SEMA3E: variants seen among roughly 807,000 people sequenced by gnomAD.
SEMA3E encodes the protein semaphorin 3E.
SEMA3E carries 49 observed loss-of-function variants against 93.6 expected under a neutral mutation model. The ratio of observed to expected loss-of-function variants is 0.52; its 90% CI spans 0.42 to 0.66. The LOEUF is 0.66. SEMA3E is among the 30% of genes least tolerant of loss of function. SEMA3E has a pLI of 0.00. For synonymous variants in SEMA3E, 363 were observed against 330.7 expected (o/e 1.10, Z -1.06); for missense variants, 906 against 964.8 (o/e 0.94, Z 0.81).
intron 1 of SEMA3E, among the ~76,000 whole-genome samples, chr7:83,518,271 G>C (rs983780643): frequency 6.6e-6 from 1 of 151,642 alleles, no homozygotes; most frequent in African/African-American, 2.4e-5. Flanking sequence ...TGAGGTTGCA[G>C]AACATGAATT....
chr7:83,533,025 A>G (rs1471352717), intron 1 of SEMA3E, among the ~76,000 whole-genome samples: 1 of 151,938 alleles, frequency 6.6e-6, no homozygotes, highest in Non-Finnish European at 1.5e-5. Context: ...CCACCCCACA[A>G]ATCTCTAGGA....
chr7:83,452,641 T>A (rs1208219561), intron 4 of SEMA3E, among the ~76,000 whole-genome samples: 1 of 152,212 alleles, frequency 6.6e-6, no homozygotes, highest in Non-Finnish European at 1.5e-5. Context: ...TTTCTTATAA[T>A]CATTTTCAGA....
intron 1 of SEMA3E, among the ~76,000 whole-genome samples, chr7:83,574,578 A>G (rs1584340718): frequency 1.3e-5 from 2 of 152,288 alleles, no homozygotes; most frequent in Admixed American, 6.5e-5. Flanking sequence ...GGGTTTAGCC[A>G]TGTGATTTTC....
chr7:83,552,256 A>G (rs10275637), intron 1 of SEMA3E, among the ~76,000 whole-genome samples: 2,527 of 152,270 alleles, frequency 0.017, 66 homozygotes, highest in African/African-American at 0.056. Flanking sequence ...TTTCATGGAC[A>G]TTTATCAGTT....
At chr7:83,487,682 C>CGTGTGTGTGTGTGTGTGTGT (rs71074667) in intron 2 of SEMA3E, among the ~76,000 whole-genome samples, 5 of 144,538 alleles carry the variant, frequency 3.5e-5, no homozygotes, top group African/African-American at 1.3e-4. Context: ...GGCAGGAGGT[C>CGTGTGTGTGTGTGTGTGTGT]GTGTGTGTGT....
In SEMA3E at chr7:83,648,499, T is replaced by C. The variant is rs564366588; in HGVS notation, c.44A>G (p.Tyr15Cys). 3 of 1,613,210 alleles carry C rather than the reference T, an allele frequency of 1.9e-6. No individual in the cohort carries two copies. Among genetic ancestry groups the C allele is most frequent in the East Asian group, 2.2e-5 (1 of 44,794 alleles). ...ACCTCCTGTCCAAAGCTCCAGTAAG[T>C]AACCCCACAGGAGCAAGGTGATAAT... ...GHIITLLLWG[Y>C]LLELWTGGHT... The change falls in exon 1 of 17, where the codon TAC becomes TGC. Residue 15 changes from tyrosine (Y) to cysteine (C), a missense_variant. By Grantham distance (194) the Tyr-to-Cys change is radical. Coordinates refer to ENST00000643230, the MANE Select transcript of SEMA3E (RefSeq NM_012431.3).
intron 16 of SEMA3E, among the ~76,000 whole-genome samples, chr7:83,368,730 T>C (rs1029563732): frequency 5.9e-5 from 9 of 152,202 alleles, no homozygotes; most frequent in Non-Finnish European, 1.0e-4. Flanking sequence ...ATATCTTTTG[T>C]CATGTATTTG....
chr7:83,575,623 C>G (rs1241984364), intron 1 of SEMA3E, among the ~76,000 whole-genome samples: 2 of 152,122 alleles, frequency 1.3e-5, no homozygotes, highest in Admixed American at 1.3e-4. Context: ...TCATAATTAT[C>G]TGGAACAGCT....
At chr7:83,408,248 A>G in intron 6 of SEMA3E, 120 bp downstream of exon 6, 5 of 1,151,922 alleles carry the variant, frequency 4.3e-6, no homozygotes, top group Non-Finnish European at 5.0e-6. Flanking sequence ...CTAGTAAAAC[A>G]TTCTGAAATT....
intron 1 of SEMA3E, among the ~76,000 whole-genome samples, chr7:83,525,147 A>G (rs1056659520): frequency 2.0e-5 from 3 of 152,120 alleles, no homozygotes; most frequent in Non-Finnish European, 4.4e-5. Context: ...ACAGAATTCT[A>G]TATTGGAAAA....
rs576106393 is a variant in SEMA3E, at chr7:83,389,588, CATACACACATAT to C, written c.1668-2550_1668-2539del. ...TCCTTTATTTCAGTATACATATATACATACACACATATATACACGTATATATTACATGTATAC... is the reference window on the plus strand; with the variant it reads ...TCCTTTATTTCAGTATACATATATACATACACGTATATATTACATGTATAC... On this transcript the variant is annotated intron_variant, in intron 14 of 16. Transcript: ENST00000643230. 2.7e-3 allele frequency among the ~76,000 whole-genome samples: 405 copies of C among 151,754 alleles called. 2 individuals are homozygous for C. Among genetic ancestry groups the C allele is most frequent in the African/African-American group, 8.0e-3 (331 of 41,436 alleles).
chr7:83,370,331 C>G (rs1794733359), intron 16 of SEMA3E, among the ~76,000 whole-genome samples: 1 of 152,254 alleles, frequency 6.6e-6, no homozygotes, highest in African/African-American at 2.4e-5. Context: ...TTTCCTATTT[C>G]TGGCCATGAC....
intron 1 of SEMA3E, among the ~76,000 whole-genome samples, chr7:83,550,802 G>A (rs1156648816): frequency 6.6e-6 from 1 of 152,046 alleles, no homozygotes; most frequent in Non-Finnish European, 1.5e-5. Flanking sequence ...GTACAAGAGA[G>A]TTGGTAAATA....
chr7:83,509,103 C>G (rs1029766457), intron 1 of SEMA3E, among the ~76,000 whole-genome samples: 1 of 152,130 alleles, frequency 6.6e-6, no homozygotes, highest in African/African-American at 2.4e-5. Flanking sequence ...ATATTTTTGA[C>G]TTTCAAGAGA....
intron 1 of SEMA3E, among the ~76,000 whole-genome samples, chr7:83,594,442 G>A (rs1410426814): frequency 6.6e-6 from 1 of 152,076 alleles, no homozygotes; most frequent in Non-Finnish European, 1.5e-5. Context: ...AAGTGGAAAA[G>A]GATCAGACTA....
chr7:83,630,155 T>G (rs1793758203), intron 1 of SEMA3E, among the ~76,000 whole-genome samples: 1 of 152,140 alleles, frequency 6.6e-6, no homozygotes, highest in Admixed American at 6.5e-5. Context: ...GCCAGGCACC[T>G]CAGTTGGAAA....
intron 1 of SEMA3E, among the ~76,000 whole-genome samples, chr7:83,614,596 G>T (rs2115598553): frequency 6.6e-6 from 1 of 152,206 alleles, no homozygotes. Flanking sequence ...TAAAACAACA[G>T]ACTTTTATTT....
chr7:83,626,493 T>G (rs1263470584), intron 1 of SEMA3E, among the ~76,000 whole-genome samples: 11 of 152,192 alleles, frequency 7.2e-5, no homozygotes, highest in African/African-American at 1.2e-4. Context: ...TTCATTTGCA[T>G]AGAGGTGTTT....
At chr7:83,371,153 G>T (rs541191138) in intron 16 of SEMA3E, among the ~76,000 whole-genome samples, 1 of 152,284 alleles carries the variant, frequency 6.6e-6, no homozygotes, top group African/African-American at 2.4e-5. Context: ...TCATGTGAAA[G>T]ATCAATCTCA....
Sources: gnomAD v4.1 joint callset for allele counts (sites outside exome capture counted in the v4.1 genomes callset) on GRCh38, gnomAD v4.1.1 for gene constraint, MANE v1.5 for transcripts, NCBI Gene and HGNC (gene_info 2026-07-23, HGNC 2026-07-21) for gene names.